Variants in DET1 observed in about 807,000 individuals in gnomAD.
The protein encoded by DET1 is DET1 partner of COP1 E3 ubiquitin ligase, also known as DET1 homolog.
DET1 carries 22 observed loss-of-function variants against 43.7 expected under a neutral mutation model. That is an observed-to-expected ratio of 0.50 (90% CI 0.36 to 0.72). The LOEUF is 0.72. Among genes scored for constraint, DET1 ranks in the 30% least tolerant of loss-of-function variants. The probability of loss-of-function intolerance (pLI) is 0.00; values close to 1 mark genes in which losing one functional copy is unlikely to be tolerated. For missense variants in DET1, 713 were observed against 713.3 expected (o/e 1.00, Z 0.00); for synonymous variants, 315 against 266.2 (o/e 1.18, Z -1.79).
At chr15:88,510,718 T>C (rs748845849), downstream of DET1, among the ~76,000 whole-genome samples, 4 of 152,066 alleles carry the variant, frequency 2.6e-5, no homozygotes, top group African/African-American at 9.7e-5. Flanking sequence ...CCCTCGTAAG[T>C]TGAGAAGCAA....
At chr15:88,545,952 C>T (rs923924394) in intron 1 of DET1, among the ~76,000 whole-genome samples, 1 of 151,284 alleles carries the variant, frequency 6.6e-6, no homozygotes, top group African/African-American at 2.4e-5. Flanking sequence ...CAAAGCCCCA[C>T]GTCTATCACC....
intron 1 of DET1, among the ~76,000 whole-genome samples, chr15:88,544,212 C>T (rs746482993): frequency 1.2e-4 from 19 of 152,266 alleles, no homozygotes; most frequent in Non-Finnish European, 2.4e-4. Flanking sequence ...TTGTGCCTAT[C>T]GACCCCAGAG....
At chr15:88,512,333 T>C, downstream of DET1, 4 of 985,314 alleles carry the variant, frequency 4.1e-6, no homozygotes, top group Non-Finnish European at 4.8e-6. Flanking sequence ...GATAACTGTC[T>C]TCCCTGTTGG....
chr15:88,531,545 T>C lies in DET1; in HGVS notation c.161A>G (p.Asn54Ser), dbSNP rs1177627567. ...CAAGAAACAAGGAGGCTTTTCAACG[T>C]TGACAACTGTGAAGTTGGGGAAGAC... ...QNVFPNFTVVNVEKPPCFLRK... is the reference protein window; with the variant it reads ...QNVFPNFTVVSVEKPPCFLRK... Residue 54 changes from asparagine to serine, a missense_variant, in exon 2 of 5, where the codon AAC (asparagine) becomes AGC (serine). Coordinates refer to ENST00000268148, the MANE Select transcript of DET1 (RefSeq NM_001144074.3). The surrounding 1 kb of genome is among the most constrained non-coding windows in gnomAD (Gnocchi z 6.2). 5 of 1,614,002 alleles carry C rather than the reference T, an allele frequency of 3.1e-6. No individual in the cohort carries two copies. Among genetic ancestry groups the C allele is most frequent in the Admixed American group, 3.3e-5 (2 of 60,020 alleles).
rs759550242 is a variant in DET1 at position 88,531,181 on chromosome 15, C to T, written c.525G>A (p.Arg175=). 6.2e-7 allele frequency: 1 copy of T among 1,613,728 alleles called. No homozygotes were observed. Among genetic ancestry groups the T allele is most frequent in the Non-Finnish European group, 8.5e-7 (1 of 1,179,786 alleles). The change falls in exon 2 of 5, where the codon CGG becomes CGA. Residue 175 remains arginine (R), a synonymous_variant. Transcript: ENST00000268148. The surrounding 1 kb of genome is among the most constrained non-coding windows in gnomAD (Gnocchi z 6.2). The part of the protein sequence containing the change: ...EPHPPFFEVY[R]NSESVTPNPR... The stretch of plus-strand genomic sequence containing the variant: ...GGTTGGGGGTCACTGATTCACTGTT[C>T]CGATATACCTCAAAAAATGGAGGGT...
At chr15:88,543,958 T>C (rs1258393803) in intron 1 of DET1, among the ~76,000 whole-genome samples, 2 of 152,206 alleles carry the variant, frequency 1.3e-5, no homozygotes, top group African/African-American at 2.4e-5. Context: ...AAATTGACTT[T>C]ACAGAAGTAA....
chr15:88,508,004 A>C (rs1191004677), downstream of DET1, among the ~76,000 whole-genome samples: 1 of 152,150 alleles, frequency 6.6e-6, no homozygotes, highest in Non-Finnish European at 1.5e-5. Flanking sequence ...TTAGATTCTC[A>C]TAAGAGCGCA....
intron 1 of DET1, among the ~76,000 whole-genome samples, chr15:88,543,523 C>T (rs2057167203): frequency 6.6e-6 from 1 of 152,212 alleles, no homozygotes; most frequent in Admixed American, 6.5e-5. Context: ...CCGACCTGAT[C>T]TTCAAGATGT....
chr15:88,534,733 C>T (rs980068592), intron 1 of DET1, among the ~76,000 whole-genome samples: 6 of 152,164 alleles, frequency 3.9e-5, no homozygotes, highest in African/African-American at 1.4e-4. Context: ...ACTGCAAAGA[C>T]TTTCTGAAAA....
chr15:88,540,447 C>A (rs1214311653), intron 1 of DET1, among the ~76,000 whole-genome samples: 1 of 150,816 alleles, frequency 6.6e-6, no homozygotes, highest in Non-Finnish European at 1.5e-5. Context: ...TGCTCAAATT[C>A]TGTTAAATTG....
At chr15:88,527,565 A>G (rs1305226821) in intron 3 of DET1, 34 bp downstream of exon 3, 1 of 1,530,400 alleles carries the variant, frequency 6.5e-7, no homozygotes, top group East Asian at 2.3e-5. Context: ...ATTTTTCTAA[A>G]GAAAAGACTG....
chr15:88,522,541 G>A (rs1194369560), intron 3 of DET1, among the ~76,000 whole-genome samples: 1 of 29,030 alleles, frequency 3.4e-5, no homozygotes, highest in East Asian at 1.3e-3. Flanking sequence ...TTGGAGTCTC[G>A]TTCTGTACCC....
In DET1 at chr15:88,513,061, G is replaced by C; in HGVS notation, c.1543C>G (p.Arg515Gly). 6.2e-7 allele frequency: 1 copy of C among 1,614,024 alleles called. No homozygotes were observed. Among genetic ancestry groups the C allele is most frequent in the Non-Finnish European group, 8.5e-7 (1 of 1,179,870 alleles). The change falls in exon 5 of 5, where the codon CGA becomes GGA. Residue 515 changes from arginine (R) to glycine (G), a missense_variant. Arg to Gly is a moderately radical substitution (Grantham distance 125, BLOSUM62 -2). Transcript: ENST00000268148. ...TGAAAGGTGAAGGCAACAAGGCGTC[G>C]CACTGTGTGGTTGATGGGGCGGCCC... is the stretch of plus-strand genomic sequence containing the variant. The part of the protein sequence containing the change: ...LLGRPINHTV[R>G]RLVAFTFHPF...
intron 1 of DET1, among the ~76,000 whole-genome samples, chr15:88,533,371 G>A (rs928889517): frequency 6.6e-6 from 1 of 152,170 alleles, no homozygotes; most frequent in Non-Finnish European, 1.5e-5. Flanking sequence ...AAGGAAAACA[G>A]TATGAAGGTT....
chr15:88,530,697 G>C lies in DET1; in HGVS notation c.1009C>G (p.Leu337Val). The change falls in exon 2 of 5, where the codon CTG becomes GTG. Residue 337 changes from leucine to valine, a missense_variant. Physicochemically the swap from Leu to Val is conservative, Grantham distance 32. Coordinates refer to ENST00000268148, the MANE Select transcript of DET1 (RefSeq NM_001144074.3). ...RQLRMWKMQL[L>V]DENHLFIKYT... is the part of the protein sequence containing the mutation. Reference sequence around the variant, plus strand: ...TTGATAAACAGGTGGTTTTCATCCAGAAGCTGCATTTTCCACATTCGCAGC... The same window carrying C: ...TTGATAAACAGGTGGTTTTCATCCACAAGCTGCATTTTCCACATTCGCAGC... 6.2e-7 allele frequency: 1 copy of C among 1,613,982 alleles called. No homozygotes were observed. Among genetic ancestry groups the C allele is most frequent in the East Asian group, 2.2e-5 (1 of 44,884 alleles).
chr15:88,537,206 T>C (rs184941513), intron 1 of DET1, among the ~76,000 whole-genome samples: 7 of 152,210 alleles, frequency 4.6e-5, no homozygotes, highest in Non-Finnish European at 4.4e-5. Context: ...CAAGCTATCA[T>C]ATATTGCAAT....
chr15:88,509,523 A>G (rs1394220248), downstream of DET1, among the ~76,000 whole-genome samples: 3 of 152,222 alleles, frequency 2.0e-5, no homozygotes, highest in East Asian at 1.9e-4. Flanking sequence ...AGACATGTAC[A>G]GAGTTGAGAG....
intron 3 of DET1, among the ~76,000 whole-genome samples, chr15:88,522,169 T>C (rs2056508431): frequency 6.6e-6 from 1 of 152,216 alleles, no homozygotes; most frequent in African/African-American, 2.4e-5. Flanking sequence ...ATAACGACTT[T>C]GTTTAACAAT....
Position 88,519,441 on chromosome 15 carries a change from C to T in DET1, c.1272-2468G>A, listed in dbSNP as rs558733990. Among the ~76,000 whole-genome samples, 9 of 152,282 alleles carry T rather than the reference C, an allele frequency of 5.9e-5. No individual in the cohort carries two copies. In the South Asian group the frequency reaches 6.2e-4, roughly 11 times the overall value. On this transcript the variant is annotated intron_variant, in intron 3 of 4. Transcript: ENST00000268148. ...ACACCCTCAACCTCACCATTACCAA[C>T]GACTGCAAACCCTCTCTAGTCACAG...
Sources: allele counts gnomAD v4.1 joint callset (sites outside exome capture counted in the v4.1 genomes callset), GRCh38; gene constraint gnomAD v4.1.1; non-coding constraint Gnocchi (gnomAD v3.1); transcripts MANE v1.5; gene names NCBI Gene and HGNC (gene_info 2026-07-23, HGNC 2026-07-21).